The following ST6GALNAC5 variants were observed in gnomAD, a reference collection of about 807,000 sequenced individuals.
The protein encoded by ST6GALNAC5 is alpha-N-acetylgalactosaminide alpha-2,6-sialyltransferase 5.
ST6GALNAC5 carries 27 observed loss-of-function variants against 33.6 expected under a neutral mutation model. The observed-to-expected ratio is 0.80, with a 90% CI of 0.59 to 1.11. The LOEUF is 1.11. Among genes scored for constraint, ST6GALNAC5 ranks in the 50% least tolerant of loss-of-function variants. The pLI, the probability that ST6GALNAC5 is intolerant of heterozygous loss-of-function variation, is 0.00. For missense variants in ST6GALNAC5, 428 were observed against 454.0 expected, an observed-to-expected ratio of 0.94 and a Z score of 0.52; for synonymous variants, 194 against 171.2, an observed-to-expected ratio of 1.13 and a Z score of -1.04.
chr1:77,007,594 T>C (rs1311620623), intron 2 of ST6GALNAC5, among the ~76,000 whole-genome samples: 1 of 152,258 alleles, frequency 6.6e-6, no homozygotes, highest in Non-Finnish European at 1.5e-5. Flanking sequence ...ATGTTCTTTA[T>C]TCCCTATTCT....
intron 2 of ST6GALNAC5, among the ~76,000 whole-genome samples, chr1:76,937,652 G>C (rs1256882628): frequency 6.6e-6 from 1 of 152,008 alleles, no homozygotes; most frequent in Non-Finnish European, 1.5e-5. Flanking sequence ...TTACTTGTTG[G>C]AGCAAGATGT....
At chr1:76,964,048 G>T (rs932731453) in intron 2 of ST6GALNAC5, among the ~76,000 whole-genome samples, 5 of 152,094 alleles carry the variant, frequency 3.3e-5, no homozygotes, top group Non-Finnish European at 7.4e-5. Flanking sequence ...GTGAGGAAAT[G>T]GATTATTTTT....
intron 2 of ST6GALNAC5, among the ~76,000 whole-genome samples, chr1:76,900,560 A>G (rs1181491539): frequency 1.1e-4 from 17 of 152,216 alleles, no homozygotes; most frequent in Admixed American, 1.1e-3. Context: ...AAGAGAGCCA[A>G]TTATTTTGGT....
intron 2 of ST6GALNAC5, among the ~76,000 whole-genome samples, chr1:76,978,032 T>C (rs76768233): frequency 0.019 from 2,951 of 152,286 alleles, 98 homozygotes; most frequent in African/African-American, 0.067. Flanking sequence ...TAGGGTGAGG[T>C]AATAGCTCAT....
intron 2 of ST6GALNAC5, among the ~76,000 whole-genome samples, chr1:76,932,642 G>A (rs1647156328): frequency 6.6e-6 from 1 of 152,048 alleles, no homozygotes; most frequent in African/African-American, 2.4e-5. Context: ...AAGGTGAAGA[G>A]ATTTCGGTTT....
chr1:76,988,617 T>C (rs1570742649), intron 2 of ST6GALNAC5, among the ~76,000 whole-genome samples: 1 of 152,300 alleles, frequency 6.6e-6, no homozygotes, highest in East Asian at 1.9e-4. Context: ...TTCTGATTTA[T>C]GACTTGATTT....
At chr1:76,898,343 G>T (rs1454188945) in intron 2 of ST6GALNAC5, among the ~76,000 whole-genome samples, 1 of 152,170 alleles carries the variant, frequency 6.6e-6, no homozygotes, top group Non-Finnish European at 1.5e-5. Flanking sequence ...CACAGTGGAG[G>T]CAAGGAATTG....
intron 2 of ST6GALNAC5, among the ~76,000 whole-genome samples, chr1:76,937,902 T>G (rs1233482152): frequency 6.6e-6 from 1 of 152,054 alleles, no homozygotes; most frequent in Non-Finnish European, 1.5e-5. Context: ...CACTCTATTG[T>G]CTTACATCCC....
At chr1:76,919,164 T>C (rs900712385) in intron 2 of ST6GALNAC5, among the ~76,000 whole-genome samples, 1 of 152,074 alleles carries the variant, frequency 6.6e-6, no homozygotes, top group Non-Finnish European at 1.5e-5. Flanking sequence ...ACATGATTGA[T>C]TGAAGAATAA....
At chr1:77,037,535 CT>C (rs995005476) in intron 2 of ST6GALNAC5, among the ~76,000 whole-genome samples, 5 of 151,912 alleles carry the variant, frequency 3.3e-5, no homozygotes, top group African/African-American at 1.2e-4. Context: ...ATGTGTACCC[CT>C]GCATCTAAAA....
intron 4 of ST6GALNAC5, among the ~76,000 whole-genome samples, chr1:77,056,638 C>G (rs1652409365): frequency 6.6e-6 from 1 of 152,192 alleles, no homozygotes; most frequent in Admixed American, 6.5e-5. Context: ...CGACAGTCCA[C>G]CGGGTAGAAT....
intron 2 of ST6GALNAC5, among the ~76,000 whole-genome samples, chr1:77,008,420 A>G (rs752535128): frequency 6.6e-6 from 1 of 152,226 alleles, no homozygotes. Flanking sequence ...AAAATGGGAT[A>G]ATAACACTAT....
intron 2 of ST6GALNAC5, among the ~76,000 whole-genome samples, chr1:77,040,516 G>A (rs2100457937): frequency 6.6e-6 from 1 of 152,272 alleles, no homozygotes; most frequent in South Asian, 2.1e-4. Context: ...GGCAAGGTCA[G>A]GAAACTTGGC....
intron 2 of ST6GALNAC5, among the ~76,000 whole-genome samples, chr1:77,019,136 G>A (rs11162252): frequency 2.0e-5 from 3 of 152,270 alleles, no homozygotes; most frequent in South Asian, 2.1e-4. Flanking sequence ...GCCAGGGCAG[G>A]GGGGAGATAC....
At chr1:76,957,272 C>T (rs1466176187) in intron 2 of ST6GALNAC5, among the ~76,000 whole-genome samples, 2 of 152,182 alleles carry the variant, frequency 1.3e-5, no homozygotes, top group African/African-American at 2.4e-5. Flanking sequence ...TGGTGATTGC[C>T]GACAGTCCTT....
intron 2 of ST6GALNAC5, among the ~76,000 whole-genome samples, chr1:76,881,493 C>CAATA (rs1653778534): frequency 6.6e-6 from 1 of 152,140 alleles, no homozygotes; most frequent in African/African-American, 2.4e-5. Context: ...ACTTATTCCA[C>CAATA]TTTATTGTTA....
At chr1:76,997,500 T>C (rs1056347927) in intron 2 of ST6GALNAC5, among the ~76,000 whole-genome samples, 2 of 152,160 alleles carry the variant, frequency 1.3e-5, no homozygotes, top group African/African-American at 4.8e-5. Flanking sequence ...TCCTGCCATA[T>C]GGATTGAAAC....
intron 2 of ST6GALNAC5, among the ~76,000 whole-genome samples, chr1:76,947,963 G>A (rs982367991): frequency 2.6e-5 from 4 of 152,086 alleles, no homozygotes; most frequent in African/African-American, 9.7e-5. Flanking sequence ...ATCCTCAGAT[G>A]AGAGGAGCTT....
chr1:77,002,018 A>G (rs994799229), intron 2 of ST6GALNAC5, among the ~76,000 whole-genome samples: 5 of 152,096 alleles, frequency 3.3e-5, no homozygotes, highest in Admixed American at 6.6e-5. Flanking sequence ...ATGAGTTAGG[A>G]AGGATTCCCT....
Sources: gnomAD v4.1 joint callset for allele counts (sites outside exome capture counted in the v4.1 genomes callset) on GRCh38, gnomAD v4.1.1 for gene constraint, MANE v1.5 for transcripts, NCBI Gene and HGNC (gene_info 2026-07-23, HGNC 2026-07-21) for gene names.